Variants in ZDHHC5 observed in about 807,000 individuals in gnomAD.
The protein encoded by ZDHHC5 is zDHHC palmitoyltransferase 5.
A neutral mutation model predicts 70.0 loss-of-function variants in ZDHHC5; 22 were observed. The ratio of observed to expected loss-of-function variants is 0.31; its 90% CI spans 0.22 to 0.45. The LOEUF is 0.45. ZDHHC5 is among the 20% of genes least tolerant of loss of function. The pLI is 1.00. For synonymous variants in ZDHHC5, 313 were observed against 347.8 expected, an observed-to-expected ratio of 0.90 and a Z score of 1.11; for missense variants, 746 against 926.9, an observed-to-expected ratio of 0.80 and a Z score of 2.53.
chr11:57,680,726 C>G (rs1190522206), intron 2 of ZDHHC5, among the ~76,000 whole-genome samples: 1 of 152,196 alleles, frequency 6.6e-6, no homozygotes, highest in Non-Finnish European at 1.5e-5. Context: ...GTTTCTCTCC[C>G]TCCTTCTTAA....
intron 10 of ZDHHC5, among the ~76,000 whole-genome samples, chr11:57,698,011 T>C (rs1228266904): frequency 6.6e-6 from 1 of 151,768 alleles, no homozygotes; most frequent in Admixed American, 6.6e-5. Flanking sequence ...GCGGGGCGCC[T>C]GTAATCCCAG....
intron 10 of ZDHHC5, among the ~76,000 whole-genome samples, chr11:57,697,435 C>T (rs1255475618): frequency 6.6e-6 from 1 of 151,336 alleles, no homozygotes; most frequent in Non-Finnish European, 1.5e-5. Flanking sequence ...TGCACTCCAG[C>T]CTGGGCAGCA....
At chr11:57,688,165 AT>A (rs1405425174) in intron 3 of ZDHHC5, among the ~76,000 whole-genome samples, 1 of 152,208 alleles carries the variant, frequency 6.6e-6, no homozygotes, top group Non-Finnish European at 1.5e-5. Flanking sequence ...CTGAACTCTT[AT>A]GCAAACTCAT....
Position 57,699,994 on chromosome 11 carries a change from C to T in ZDHHC5, c.2111C>T (p.Ser704Leu). The change falls in exon 12 of 12, where the codon TCA (serine) becomes TTA (leucine). Residue 704 changes from serine (S) to leucine (L), a missense_variant. Physicochemically the swap from Ser to Leu is moderately radical, Grantham distance 145 (BLOSUM62 -2). This residue lies in a region of ZDHHC5 where 340 missense variants were observed against 350.1 expected (regional missense o/e 0.97). Coordinates refer to ENST00000287169, the MANE Select transcript of ZDHHC5 (RefSeq NM_015457.3). ...ACGAGGGGAGGAGTCAAGAAGGTGT[C>T]AGGGGTTGGTGGTACCACCTATGAG... ...SPTRGGVKKV[S>L]GVGGTTYEIS... is the part of the protein sequence containing the mutation. The T allele has an allele frequency of 6.2e-7, 1 of 1,610,134 alleles. No homozygotes were observed. The highest frequency in any genetic ancestry group is 8.5e-7 in the Non-Finnish European group (1 of 1,178,188).
chr11:57,693,687 A>C (rs1946314053), intron 7 of ZDHHC5, 96 bp from the exon 8 acceptor site: 1 of 1,432,452 alleles, frequency 7.0e-7, no homozygotes, highest in Non-Finnish European at 9.2e-7. Context: ...TTACCAACCT[A>C]ATAAAAATGG....
intron 1 of ZDHHC5, among the ~76,000 whole-genome samples, chr11:57,668,766 C>T (rs1945961154): frequency 6.6e-6 from 1 of 152,240 alleles, no homozygotes; most frequent in Non-Finnish European, 1.5e-5. Context: ...CGCCACCAGC[C>T]GAGTGCTCCA....
chr11:57,683,171 G>A (rs1006185735), intron 3 of ZDHHC5, among the ~76,000 whole-genome samples: 3 of 152,190 alleles, frequency 2.0e-5, no homozygotes, highest in African/African-American at 7.2e-5. Context: ...GTGACCAGAG[G>A]GATGGGAGGT....
At chr11:57,688,346 A>G (rs962286668) in intron 3 of ZDHHC5, among the ~76,000 whole-genome samples, 162 bp from the exon 4 acceptor site, 5 of 152,198 alleles carry the variant, frequency 3.3e-5, no homozygotes, top group African/African-American at 1.2e-4. Flanking sequence ...ATAGTGTTGT[A>G]TAAAGACCTG....
chr11:57,678,268 T>A (rs1416106660), intron 2 of ZDHHC5, among the ~76,000 whole-genome samples: 1 of 152,194 alleles, frequency 6.6e-6, no homozygotes, highest in Admixed American at 6.5e-5. Context: ...TTTTCTTTTG[T>A]CTTCTGTCCA....
At chr11:57,697,604 C>G (rs1433480660) in intron 10 of ZDHHC5, among the ~76,000 whole-genome samples, 1 of 144,790 alleles carries the variant, frequency 6.9e-6, no homozygotes, top group Non-Finnish European at 1.5e-5. Context: ...GATTGCGCCA[C>G]TGCACTCCAG....
intron 2 of ZDHHC5, 107 bp from the exon 3 acceptor site, chr11:57,682,315 C>T (rs1946158948): frequency 2.1e-6 from 3 of 1,413,878 alleles, no homozygotes; most frequent in East Asian, 5.0e-5. Flanking sequence ...GTAAACCACA[C>T]AAGATTTATC....
At position 57,682,450 on chromosome 11, in the gene ZDHHC5, C is replaced by T. The variant is rs150741412; in HGVS notation, c.133C>T (p.Pro45Ser). Residue 45 changes from proline to serine, a missense_variant, in exon 3 of 12, where the codon CCT (proline) becomes TCT (serine). Pro to Ser is a moderately conservative substitution (Grantham distance 74). Around this residue, in one of 6 missense-constraint regions of ZDHHC5, gnomAD observed 89 missense variants for 130.7 expected, o/e 0.68. Coordinates refer to ENST00000287169, the MANE Select transcript of ZDHHC5 (RefSeq NM_015457.3). Reference sequence around the variant, plus strand: ...TCCAGGACTAAGCCTGTATGTGTCACCTGCAGTGCCCATCTACAATGCAAT... The same window carrying T: ...TCCAGGACTAAGCCTGTATGTGTCATCTGCAGTGCCCATCTACAATGCAAT... ...TCPGLSLYVSPAVPIYNAIMF... is the reference protein window; with the variant it reads ...TCPGLSLYVSSAVPIYNAIMF... 14 of 1,613,986 alleles carry T rather than the reference C, an allele frequency of 8.7e-6. No individual in the cohort carries two copies. Among genetic ancestry groups the T allele is most frequent in the Non-Finnish European group, 1.2e-5 (14 of 1,179,992 alleles).
intron 3 of ZDHHC5, among the ~76,000 whole-genome samples, chr11:57,685,575 G>A (rs1182894650): frequency 6.6e-6 from 1 of 152,154 alleles, no homozygotes; most frequent in Non-Finnish European, 1.5e-5. Context: ...CTTGAACCTG[G>A]GAGGTGGAGG....
Position 57,668,128 on chromosome 11 carries a change from G to T in ZDHHC5, c.-1130G>T, listed in dbSNP as rs1249813673. The T allele has an allele frequency of 8.1e-6, 3 of 371,578 alleles. No individual in the cohort carries two copies. Among genetic ancestry groups the T allele is most frequent in the African/African-American group, 4.2e-5 (2 of 47,484 alleles). 23.0% of individuals were successfully genotyped at this position (371,578 alleles called of 1,614,324 possible). On this transcript the variant is annotated 5_prime_UTR_variant, in exon 1 of 12. Coordinates refer to ENST00000287169, the MANE Select transcript of ZDHHC5 (RefSeq NM_015457.3). ...GCGCGCTGCTTCTCTGAGGCAGGAC[G>T]GCACTGCCGGGAGGCGGCGGTGACA... is the stretch of plus-strand genomic sequence containing the variant.
At position 57,668,373 on chromosome 11, in the gene ZDHHC5, G is replaced by A. The variant is rs575970504; in HGVS notation, c.-1071+186G>A. The stretch of plus-strand genomic sequence containing the variant: ...GCCTTGGAAACGGACGACGAGTAGA[G>A]GCCGGGGATCCACGACCGCCAGGGC... On this transcript the variant is annotated intron_variant, in intron 1 of 11. Transcript: ENST00000287169. The A allele has an allele frequency of 9.6e-3, 1,629 of 170,082 alleles. 10 individuals are homozygous for A. Among genetic ancestry groups the A allele is most frequent in the Non-Finnish European group, 0.012 (994 of 79,982 alleles). 10.5% of individuals were successfully genotyped at this position (170,082 alleles called of 1,614,324 possible).
At position 57,696,884 on chromosome 11, in the gene ZDHHC5, C is replaced by G. The variant is rs780639752; in HGVS notation, c.1122+11C>G. The G allele has an allele frequency of 6.2e-7, 1 of 1,612,086 alleles. No individual in the cohort carries two copies. The highest frequency in any genetic ancestry group is 1.1e-5 in the South Asian group (1 of 91,028). On this transcript the variant is annotated intron_variant, in intron 10 of 11. Transcript: ENST00000287169. ...TCCTCCAGCGCCAAGGTACTGAGTA[C>G]TCTAAGAGGTGGGGTAATAACATGC...
chr11:57,695,949 C>G lies in ZDHHC5; in HGVS notation c.915C>G (p.Ser305Arg). ...AGGGAAGCCTGGAGATAACAGAGAG[C>G]CAGTCTGCAGATGCTGAACCTCCAC... Reference protein sequence around the residue: ...KSKGSLEITESQSADAEPPPP... With the variant: ...KSKGSLEITERQSADAEPPPP... Residue 305 changes from serine (S) to arginine (R), a missense_variant, in exon 9 of 12, where the codon AGC becomes AGG. Ser to Arg is a moderately radical substitution (Grantham distance 110, BLOSUM62 -1). Coordinates refer to ENST00000287169, the MANE Select transcript of ZDHHC5 (RefSeq NM_015457.3). 6.2e-7 allele frequency: 1 copy of G among 1,614,078 alleles called. No homozygotes were observed. Among genetic ancestry groups the G allele is most frequent in the Non-Finnish European group, 8.5e-7 (1 of 1,180,000 alleles).
At chr11:57,668,301 C>T (rs1434854377) in intron 1 of ZDHHC5, 114 bp downstream of exon 1, 1 of 274,166 alleles carries the variant, frequency 3.6e-6, no homozygotes, top group Non-Finnish European at 6.8e-6. Context: ...TATTAAGGCC[C>T]TATTTCTCCT....
At chr11:57,683,647 A>G (rs1375142625) in intron 3 of ZDHHC5, among the ~76,000 whole-genome samples, 1 of 152,254 alleles carries the variant, frequency 6.6e-6, no homozygotes, top group African/African-American at 2.4e-5. Context: ...GCAATTGAAT[A>G]GTCAGTGTTG....
Sources: gnomAD v4.1 joint callset for allele counts (sites outside exome capture counted in the v4.1 genomes callset) on GRCh38, gnomAD v4.1.1 for gene constraint, gnomAD v4.1.1 regional missense constraint, MANE v1.5 for transcripts, NCBI Gene and HGNC (gene_info 2026-07-23, HGNC 2026-07-21) for gene names.